Variants in KLF12 observed in about 807,000 individuals in gnomAD.
KLF12 encodes Krueppel-like factor 12.
In KLF12, 9 loss-of-function variants were observed where a neutral mutation model predicts 37.8. The observed-to-expected ratio is 0.24, with a 90% CI of 0.14 to 0.42. The LOEUF (loss-of-function observed/expected upper bound fraction) is 0.42, where lower values mean the gene tolerates loss of function less well. Ranked by LOEUF, KLF12 falls within the 10% of genes least tolerant of loss-of-function variation. The pLI is 1.00. For missense variants in KLF12, 411 were observed against 516.0 expected, an observed-to-expected ratio of 0.80 and a Z score of 1.97; for synonymous variants, 208 against 202.1, an observed-to-expected ratio of 1.03 and a Z score of -0.25.
the KLF12 span, among the ~76,000 whole-genome samples, chr13:74,217,132 C>A: frequency 2.0e-5 from 3 of 152,020 alleles, no homozygotes; most frequent in South Asian, 6.2e-4. Context: ...CTATTCTTTC[C>A]TTGGTTATCA....
At chr13:73,786,535 TC>T (rs1881357005) in intron 5 of KLF12, among the ~76,000 whole-genome samples, 1 of 151,986 alleles carries the variant, frequency 6.6e-6, no homozygotes, top group Admixed American at 6.6e-5. Context: ...ACTATCCCAC[TC>T]ATCAGAAATG....
At chr13:73,716,079 C>T (rs778460546) in intron 6 of KLF12, among the ~76,000 whole-genome samples, 7 of 152,240 alleles carry the variant, frequency 4.6e-5, no homozygotes, top group South Asian at 2.1e-4. Context: ...TTTGGTGAAA[C>T]GCACCTGACA....
intron 1 of KLF12, among the ~76,000 whole-genome samples, chr13:74,043,584 C>T (rs890851824): frequency 3.9e-5 from 6 of 152,122 alleles, no homozygotes; most frequent in African/African-American, 9.7e-5. Flanking sequence ...TCCTTGACTA[C>T]GACAACCCAT....
chr13:74,108,642 T>A (rs550788942), intron 1 of KLF12, among the ~76,000 whole-genome samples: 65 of 152,320 alleles, frequency 4.3e-4, no homozygotes, highest in Non-Finnish European at 7.6e-4. Flanking sequence ...AACACTTGAC[T>A]AACACCACTG....
chr13:74,137,846 C>T (rs190313362), upstream of KLF12, among the ~76,000 whole-genome samples: 164 of 152,278 alleles, frequency 1.1e-3, no homozygotes, highest in African/African-American at 3.9e-3. Flanking sequence ...CTGCAACCTC[C>T]GCCTCCCGCG....
chr13:74,112,202 A>G (rs6562798), intron 1 of KLF12, among the ~76,000 whole-genome samples: 146,827 of 151,840 alleles, frequency 0.97, 71,178 homozygotes, highest in Middle Eastern at 1. Flanking sequence ...GTGTGTGTGC[A>G]TCTGTGTGTG....
the KLF12 span, among the ~76,000 whole-genome samples, chr13:74,299,184 G>A: frequency 1.3e-5 from 2 of 152,292 alleles, no homozygotes; most frequent in South Asian, 4.1e-4. Flanking sequence ...TAGTATGTCT[G>A]GAATTGAGTG....
At chr13:73,783,714 C>G (rs1445868449) in intron 5 of KLF12, among the ~76,000 whole-genome samples, 1 of 152,082 alleles carries the variant, frequency 6.6e-6, no homozygotes, top group Non-Finnish European at 1.5e-5. Context: ...CCCTTTCTAC[C>G]TTGACCATGA....
At chr13:74,078,884 T>C (rs1415320776) in intron 1 of KLF12, among the ~76,000 whole-genome samples, 2 of 152,160 alleles carry the variant, frequency 1.3e-5, no homozygotes, top group East Asian at 1.9e-4. Context: ...TTCCTAGAGA[T>C]TGTAAAATGT....
At chr13:73,958,190 T>C (rs959003282) in intron 2 of KLF12, among the ~76,000 whole-genome samples, 1 of 152,202 alleles carries the variant, frequency 6.6e-6, no homozygotes, top group African/African-American at 2.4e-5. Context: ...TCATAATTTT[T>C]GAATTAATTA....
At chr13:74,240,901 A>T in the KLF12 span, among the ~76,000 whole-genome samples, 1 of 149,442 alleles carries the variant, frequency 6.7e-6, no homozygotes, top group African/African-American at 2.4e-5. Context: ...GTCCTCCCAT[A>T]GCTCAGAGTA....
At chr13:74,059,606 T>C (rs1873455831) in intron 1 of KLF12, among the ~76,000 whole-genome samples, 1 of 152,246 alleles carries the variant, frequency 6.6e-6, no homozygotes. Flanking sequence ...TGTCTGTTCA[T>C]GACCTTGGTC....
At chr13:73,848,806 T>C (rs1166151710) in intron 3 of KLF12, among the ~76,000 whole-genome samples, 7 of 152,084 alleles carry the variant, frequency 4.6e-5, no homozygotes, top group African/African-American at 9.7e-5. Flanking sequence ...AGAAATCTTA[T>C]TGAGAACCTT....
Position 74,014,462 on chromosome 13 carries a change from C to T in KLF12, c.-31-19409G>A, listed in dbSNP as rs953984110. Among the ~76,000 whole-genome samples the T allele has an allele frequency of 3.3e-5, 5 of 152,176 alleles. No individual in the cohort carries two copies. The East Asian group carries it at 7.7e-4, about 23-fold the overall frequency. ...AAGGCTGTTATTTATAGAATAAAAC[C>T]CATTATCACTACTCAAATATTGAAC... On this transcript the variant is annotated intron_variant, in intron 1 of 7. Transcript: ENST00000377669.
At chr13:73,994,651 T>TA (rs1384967622) in intron 2 of KLF12, among the ~76,000 whole-genome samples, 10 of 152,184 alleles carry the variant, frequency 6.6e-5, no homozygotes, top group Admixed American at 1.3e-4. Flanking sequence ...TGATGTATAT[T>TA]AAAAAAAATC....
rs1168859413 is a variant in KLF12, at chr13:73,766,822, GAA to G, written c.807-1824_807-1823del. ...GATGCTGTTTATTGCATATATTAGTGAAGAAAAAGAGAGTCTGTTTAATCCAT... is the reference window on the plus strand; with the variant it reads ...GATGCTGTTTATTGCATATATTAGTGGAAAAAGAGAGTCTGTTTAATCCAT... On this transcript the variant is annotated intron_variant, in intron 5 of 7. Coordinates refer to ENST00000377669, the MANE Select transcript of KLF12 (RefSeq NM_007249.5). Among the ~76,000 whole-genome samples, 16 of 152,262 alleles carry G rather than the reference GAA, an allele frequency of 1.1e-4. No individual in the cohort carries two copies. The East Asian group carries it at 2.7e-3, about 26-fold the overall frequency.
intron 5 of KLF12, among the ~76,000 whole-genome samples, chr13:73,773,220 A>G (rs553692782): frequency 2.0e-5 from 3 of 152,232 alleles, no homozygotes; most frequent in South Asian, 2.1e-4. Flanking sequence ...AAGTGAGAAG[A>G]CCACCAGACC....
chr13:73,757,514 G>A (rs900365353), intron 6 of KLF12, among the ~76,000 whole-genome samples: 1 of 152,020 alleles, frequency 6.6e-6, no homozygotes, highest in Admixed American at 6.6e-5. Flanking sequence ...TTATATTGAG[G>A]TAAGAATATG....
chr13:73,918,517 C>T (rs1888955638), intron 3 of KLF12, among the ~76,000 whole-genome samples: 1 of 152,096 alleles, frequency 6.6e-6, no homozygotes, highest in African/African-American at 2.4e-5. Flanking sequence ...TTACACAGAA[C>T]TATTTTAGGC....
Sources: gnomAD v4.1 joint callset for allele counts (sites outside exome capture counted in the v4.1 genomes callset) on GRCh38, gnomAD v4.1.1 for gene constraint, MANE v1.5 for transcripts, NCBI Gene and HGNC (gene_info 2026-07-23, HGNC 2026-07-21) for gene names.